Variants in PLEC observed in about 807,000 individuals in gnomAD.
PLEC encodes hemidesmosomal protein 1.
Under a neutral mutation model 392.8 loss-of-function variants are expected in PLEC, and 216 were observed. The observed-to-expected ratio is 0.55, with a 90% CI of 0.49 to 0.62. The LOEUF (loss-of-function observed/expected upper bound fraction) is 0.62, where lower values mean the gene tolerates loss of function less well. Ranked by LOEUF, PLEC falls within the 20% of genes least tolerant of loss-of-function variation. PLEC has a pLI of 0.00. For synonymous variants in PLEC, 3,621 were observed against 2,980.6 expected (o/e 1.21, Z -7.00); for missense variants, 6,863 against 6,563.4 (o/e 1.05, Z -1.58).
At chr8:143,940,538 G>C (rs1554727977), upstream of PLEC, among the ~76,000 whole-genome samples, 1 of 152,198 alleles carries the variant, frequency 6.6e-6, no homozygotes, top group African/African-American at 2.4e-5. Flanking sequence ...CGCTGGCTGG[G>C]GCCTCCGGCT....
At chr8:143,949,594 C>T (rs1465707569) in intron 1 of PLEC, among the ~76,000 whole-genome samples, 2 of 152,230 alleles carry the variant, frequency 1.3e-5, no homozygotes, top group Non-Finnish European at 2.9e-5. Context: ...CTGGCCTCTG[C>T]CCTGCCGGAG....
intron 1 of PLEC, among the ~76,000 whole-genome samples, chr8:143,960,260 C>T (rs1358063985): frequency 8.0e-5 from 12 of 149,512 alleles, no homozygotes; most frequent in African/African-American, 3.0e-4. Context: ...CCAGCCTGGG[C>T]AACAAGAGCG....
At chr8:143,965,728 C>T (rs1833054860) in intron 1 of PLEC, among the ~76,000 whole-genome samples, 1 of 152,218 alleles carries the variant, frequency 6.6e-6, no homozygotes, top group African/African-American at 2.4e-5. Context: ...AACAGCCCAA[C>T]CCTGGGAAAA....
chr8:143,917,168 G>A lies in PLEC; in HGVS notation c.12653C>T (p.Ala4218Val), dbSNP rs1820843947. ...AIAKNLIDRS[A>V]LDQYRAGTLS... ...CGTGCCGGCGCGGTACTGGTCCAGT[G>A]CCGAGCGGTCGATGAGGTTCTTGGC... The change falls in exon 32 of 32, where the codon GCA becomes GTA. Residue 4218 changes from alanine (A) to valine (V), a missense_variant. By Grantham distance (64) the Ala-to-Val change is moderately conservative. Coordinates refer to ENST00000345136, the MANE Select transcript of PLEC (RefSeq NM_201384.3). 1.2e-6 allele frequency: 2 copies of A among 1,611,864 alleles called. No homozygotes were observed. Among genetic ancestry groups the A allele is most frequent in the South Asian group, 2.2e-5 (2 of 91,080 alleles).
At chr8:143,940,165 G>C (rs1830174147), upstream of PLEC, among the ~76,000 whole-genome samples, 1 of 152,190 alleles carries the variant, frequency 6.6e-6, no homozygotes, top group Admixed American at 6.5e-5. Context: ...CCTGGCCCTG[G>C]GGCCAGTGGG....
chr8:143,916,295 G>C lies in PLEC; in HGVS notation c.13526C>G (p.Thr4509Ser), dbSNP rs782125137. The change falls in exon 32 of 32, where the codon ACC becomes AGC. Residue 4509 changes from threonine (T) to serine (S), a missense_variant. Coordinates refer to ENST00000345136, the MANE Select transcript of PLEC (RefSeq NM_201384.3). ...AGSRRGSFDA[T>S]GSGFSMTFSS... Reference sequence around the variant, plus strand: ...GAAGGTCATGGAGAAGCCGGAGCCGGTGGCGTCAAAGCTGCCGCGGCGGGA... The same window carrying C: ...GAAGGTCATGGAGAAGCCGGAGCCGCTGGCGTCAAAGCTGCCGCGGCGGGA... The C allele has an allele frequency of 7.0e-6, 11 of 1,578,024 alleles. No individual in the cohort carries two copies. The highest frequency in any genetic ancestry group is 9.5e-6 in the Non-Finnish European group (11 of 1,162,640).
At position 143,922,635 on chromosome 8, in the gene PLEC, G is replaced by A; in HGVS notation, c.7294C>T (p.Gln2432Ter). 6.2e-7 allele frequency: 1 copy of A among 1,613,612 alleles called. No individual in the cohort carries two copies. Among genetic ancestry groups the A allele is most frequent in the Non-Finnish European group, 8.5e-7 (1 of 1,179,984 alleles). ...LATQEKVTLV[Q>*]TLEIQRQQSD... The stretch of plus-strand genomic sequence containing the variant: ...TGCTGTCGCTGGATCTCCAGTGTCT[G>A]CACCAGGGTCACCTTCTCCTGGGTG... The change falls in exon 31 of 32, where the codon CAG (glutamine) becomes TAG (stop). Residue 2432 changes from glutamine (Q) to a stop codon, truncating the protein, a stop_gained. Coordinates refer to ENST00000345136, the MANE Select transcript of PLEC (RefSeq NM_201384.3). LOFTEE classifies it high-confidence loss of function.
At chr8:143,931,088 T>C (rs999575200) in intron 19 of PLEC, among the ~76,000 whole-genome samples, 1 of 152,196 alleles carries the variant, frequency 6.6e-6, no homozygotes, top group African/African-American at 2.4e-5. Context: ...AAACAGCTGG[T>C]GCCCCTTCTA....
upstream of PLEC, among the ~76,000 whole-genome samples, chr8:143,940,113 C>CG (rs1459359017): frequency 2.6e-5 from 4 of 152,234 alleles, no homozygotes; most frequent in Non-Finnish European, 5.9e-5. Flanking sequence ...TCTTCACAGA[C>CG]CTGCATGAAG....
At chr8:143,973,553 T>C (rs1344274418), upstream of PLEC, 6 of 1,095,786 alleles carry the variant, frequency 5.5e-6, no homozygotes, top group African/African-American at 5.1e-5. The surrounding 1 kb of genome is among the most constrained non-coding windows in gnomAD (Gnocchi z 5.6). Context: ...CGCGCGCCGC[T>C]TAAAGAGGCC....
rs1381890040 is a variant in PLEC, at chr8:143,938,294, C to T, written c.175-54G>A. On this transcript the variant is annotated intron_variant, in intron 2 of 31. Transcript: ENST00000345136. Reference sequence around the variant, plus strand: ...CAGTCCCCCAGAGCCACCAATAGGCCCTGAGTGGCTGATCTACAGAGTGGG... The same window carrying T: ...CAGTCCCCCAGAGCCACCAATAGGCTCTGAGTGGCTGATCTACAGAGTGGG... 4.6e-6 allele frequency: 7 copies of T among 1,536,480 alleles called. No individual in the cohort carries two copies. In the African/African-American group the frequency reaches 8.2e-5, roughly 18 times the overall value.
chr8:143,923,765 G>A lies in PLEC; in HGVS notation c.6164C>T (p.Ala2055Val), dbSNP rs1554694067. The change falls in exon 31 of 32, where the codon GCC (alanine) becomes GTC (valine). Residue 2055 changes from alanine (A) to valine (V), a missense_variant. Ala to Val is a moderately conservative substitution (Grantham distance 64, BLOSUM62 0). Transcript: ENST00000345136. ...KRLQAEEKAH[A>V]FAVQQKEQEL... ...CTGCTCCTTCTGCTGCACCGCGAAG[G>A]CGTGTGCCTTCTCTTCCGCCTGCAG... 6.4e-7 allele frequency: 1 copy of A among 1,563,806 alleles called. No homozygotes were observed. Among genetic ancestry groups the A allele is most frequent in the Admixed American group, 1.8e-5 (1 of 55,198 alleles).
At position 143,919,441 on chromosome 8, in the gene PLEC, G is replaced by A. The variant is rs371407635; in HGVS notation, c.10380C>T (p.His3460=). 94 of 1,613,138 alleles carry A rather than the reference G, an allele frequency of 5.8e-5. No individual in the cohort carries two copies. Among genetic ancestry groups the A allele is most frequent in the African/African-American group, 3.9e-4 (29 of 74,940 alleles). Reference sequence around the variant, plus strand: ...TCTGGGCCTCCAGCAGGCGGATGCCGTGCTGCCGGAGAACCAGGCCCTTCT... The same window carrying A: ...TCTGGGCCTCCAGCAGGCGGATGCCATGCTGCCGGAGAACCAGGCCCTTCT... ...AMQKGLVLRQ[H]GIRLLEAQIA... Residue 3460 remains histidine, a synonymous_variant, in exon 32 of 32, where the codon CAC becomes CAT. Transcript: ENST00000345136.
intron 1 of PLEC, among the ~76,000 whole-genome samples, chr8:143,959,103 G>A (rs1554740035): frequency 1.3e-5 from 2 of 152,338 alleles, no homozygotes; most frequent in Non-Finnish European, 2.9e-5. Context: ...AGTGTGAGGC[G>A]AGGCTGCTGA....
rs368641201 is a variant in PLEC, at chr8:143,926,554, G to A, written c.4044+230C>T. On this transcript the variant is annotated intron_variant, in intron 30 of 31. Coordinates refer to ENST00000345136, the MANE Select transcript of PLEC (RefSeq NM_201384.3). ...GGGACGCTCACGAGGGAGGAGAGGC[G>A]GCACCAGCCACTGTGGGGGAGCAGT... 1.0e-3 allele frequency among the ~76,000 whole-genome samples: 154 copies of A among 152,220 alleles called. 1 individual carries two copies. The highest frequency in any genetic ancestry group is 1.6e-3 in the African/African-American group (68 of 41,494).
upstream of PLEC, chr8:143,939,602 G>A (rs1395615508): frequency 7.4e-6 from 11 of 1,487,280 alleles, no homozygotes; most frequent in South Asian, 6.4e-5. Context: ...AGCCCCAGTC[G>A]GTGCGGCCAC....
In PLEC at chr8:143,921,610, G is replaced by A. The variant is rs1822753165; in HGVS notation, c.8211C>T (p.Gly2737=). The A allele has an allele frequency of 6.2e-7, 1 of 1,612,884 alleles. No homozygotes were observed. Among genetic ancestry groups the A allele is most frequent in the Non-Finnish European group, 8.5e-7 (1 of 1,179,862 alleles). Reference sequence around the variant, plus strand: ...GGTTCCGCACAGGGTCCAGCAGGAAGCCTGAGGCCGCCTGCGCCTCCAGCA... The same window carrying A: ...GGTTCCGCACAGGGTCCAGCAGGAAACCTGAGGCCGCCTGCGCCTCCAGCA... ...LILLEAQAAS[G]FLLDPVRNRR... is the part of the protein sequence containing the mutation. The change falls in exon 32 of 32, where the codon GGC becomes GGT. Residue 2737 remains glycine, a synonymous_variant. Transcript: ENST00000345136.
Position 143,925,041 on chromosome 8 carries a change from C to T in PLEC, c.4888G>A (p.Glu1630Lys). The change falls in exon 31 of 32, where the codon GAG becomes AAG. Residue 1630 changes from glutamate to lysine, a missense_variant. Glu to Lys is a moderately conservative substitution (Grantham distance 56). Transcript: ENST00000345136. Reference protein sequence around the residue: ...AERAREEAERELERWQLKANE... With the variant: ...AERAREEAERKLERWQLKANE... ...GCCTTGAGCTGCCAGCGCTCCAGCT[C>T]CCGCTCTGCCTCCTCGCGCGCCCGC... 1 of 1,558,106 alleles carries T rather than the reference C, an allele frequency of 6.4e-7. No individual in the cohort carries two copies. The highest frequency in any genetic ancestry group is 8.6e-7 in the Non-Finnish European group (1 of 1,159,272).
chr8:143,944,795 C>T, intron 1 of PLEC: 2 of 981,142 alleles, frequency 2.0e-6, no homozygotes, highest in Non-Finnish European at 2.7e-6. Context: ...GTGCTGCTGT[C>T]AGCAGCAGCT....
Sources: gnomAD v4.1 joint callset for allele counts (sites outside exome capture counted in the v4.1 genomes callset) on GRCh38, gnomAD v4.1.1 for gene constraint, Gnocchi (gnomAD v3.1) non-coding constraint, MANE v1.5 for transcripts, NCBI Gene and HGNC (gene_info 2026-07-23, HGNC 2026-07-21) for gene names.